Variants in CALR3 observed in about 807,000 individuals in gnomAD.
CALR3 encodes calreticulin-3.
In CALR3, 39 loss-of-function variants were observed where a neutral mutation model predicts 48.7. That is an observed-to-expected ratio of 0.80 (90% CI 0.62 to 1.05). CALR3 has a LOEUF of 1.05. Among genes scored for constraint, CALR3 ranks in the 50% least tolerant of loss-of-function variants. The pLI is 0.00. For missense variants in CALR3, 449 were observed against 474.7 expected, an observed-to-expected ratio of 0.95 and a Z score of 0.50; for synonymous variants, 185 against 172.7, an observed-to-expected ratio of 1.07 and a Z score of -0.56.
intron 7 of CALR3, among the ~76,000 whole-genome samples, chr19:16,481,758 C>G (rs1314870764): frequency 6.6e-6 from 1 of 151,920 alleles, no homozygotes; most frequent in African/African-American, 2.4e-5. Context: ...CTCAGCCTCC[C>G]AAAGTGCTGG....
chr19:16,493,247 CCTAA>C (rs1407848493), intron 2 of CALR3, among the ~76,000 whole-genome samples: 2 of 152,178 alleles, frequency 1.3e-5, no homozygotes, highest in African/African-American at 4.8e-5. Flanking sequence ...CTGACCTGTA[CCTAA>C]CTCAGACCAG....
intron 2 of CALR3, among the ~76,000 whole-genome samples, chr19:16,491,006 C>T (rs6512114): frequency 0.63 from 95,639 of 151,882 alleles, 30,766 homozygotes; most frequent in South Asian, 0.75. Flanking sequence ...GGTGACTGCC[C>T]GTCTCAGCCT....
At chr19:16,494,678 C>T (rs1004205312) in intron 2 of CALR3, among the ~76,000 whole-genome samples, 3 of 151,968 alleles carry the variant, frequency 2.0e-5, no homozygotes, top group South Asian at 2.1e-4. Context: ...CTTTTTAATA[C>T]GAAAATTAAA....
chr19:16,482,604 G>T, intron 6 of CALR3, 23 bp from the exon 7 acceptor site: 2 of 1,613,740 alleles, frequency 1.2e-6, no homozygotes, highest in Non-Finnish European at 1.7e-6. Flanking sequence ...AACCATATGG[G>T]GTGGTCTCAA....
chr19:16,479,336 A>G (rs1463014888), intron 8 of CALR3, 62 bp from the exon 9 acceptor site: 1 of 1,602,878 alleles, frequency 6.2e-7, no homozygotes, highest in African/African-American at 1.3e-5. Context: ...CTGTAATCCC[A>G]GCACTTTGGG....
chr19:16,487,939 G>A (rs915854591), intron 3 of CALR3, among the ~76,000 whole-genome samples: 14 of 151,356 alleles, frequency 9.2e-5, no homozygotes, highest in Non-Finnish European at 1.3e-4. Flanking sequence ...TCAGCCTCCC[G>A]AGTAGATGGG....
intron 3 of CALR3, among the ~76,000 whole-genome samples, chr19:16,487,418 T>C (rs2093390708): frequency 7.0e-6 from 1 of 143,530 alleles, no homozygotes; most frequent in Non-Finnish European, 1.5e-5. Context: ...AGGCAGAGGT[T>C]GCAGTGAGCC....
intron 2 of CALR3, among the ~76,000 whole-genome samples, chr19:16,493,542 ATTTTTTT>A (rs3032114): frequency 3.6e-4 from 26 of 72,932 alleles, no homozygotes; most frequent in Non-Finnish European, 4.6e-4. Flanking sequence ...TGAAGCTAGA[ATTTTTTT>A]TTTTTTTTTT....
intron 2 of CALR3, among the ~76,000 whole-genome samples, chr19:16,491,815 A>G (rs1404378909): frequency 1.3e-5 from 2 of 151,652 alleles, no homozygotes; most frequent in Non-Finnish European, 2.9e-5. Flanking sequence ...TTCCAGTGAA[A>G]CTTAATGGAC....
chr19:16,480,034 C>T (rs566561500), intron 8 of CALR3, among the ~76,000 whole-genome samples: 1 of 150,734 alleles, frequency 6.6e-6, no homozygotes, highest in South Asian at 2.1e-4. Context: ...GAAACCCCGT[C>T]TCTACTAAAA....
chr19:16,481,241 T>C (rs2093380226), intron 7 of CALR3, among the ~76,000 whole-genome samples: 3 of 152,258 alleles, frequency 2.0e-5, no homozygotes, highest in African/African-American at 7.2e-5. Flanking sequence ...TGAGCCATAC[T>C]GTCCCTGGCT....
chr19:16,480,728 T>C (rs775648516), intron 7 of CALR3, 22 bp from the exon 8 acceptor site: 1 of 1,432,528 alleles, frequency 7.0e-7, no homozygotes, highest in Non-Finnish European at 9.8e-7. Flanking sequence ...AATAAGGCCT[T>C]CATTATTATG....
In CALR3 at chr19:16,484,232, C is replaced by A. The variant is rs150143294; in HGVS notation, c.493-117G>T. On this transcript the variant is annotated intron_variant, in intron 4 of 8. Coordinates refer to ENST00000269881, the MANE Select transcript of CALR3 (RefSeq NM_145046.5). Reference sequence around the variant, plus strand: ...TCACTCTGTCGCCCAGGTTGGAGCGCTGTGGCACAATCTCGGCTCACTACA... The same window carrying A: ...TCACTCTGTCGCCCAGGTTGGAGCGATGTGGCACAATCTCGGCTCACTACA... 1,062 of 976,582 alleles carry A rather than the reference C, an allele frequency of 1.1e-3. 9 individuals are homozygous for A. The African/African-American group carries it at 0.017, about 15-fold the overall frequency. The allele number at this position is 976,582 out of a possible 1,614,324, so 60.5% of individuals were successfully genotyped here.
At position 16,496,058 on chromosome 19, in the gene CALR3, T is replaced by A; in HGVS notation, c.72A>T (p.Gln24His). Residue 24 changes from glutamine to histidine, a missense_variant, in exon 1 of 9, where the codon CAA becomes CAT. By Grantham distance (24) the Gln-to-His change is conservative. Transcript: ENST00000269881. Reference protein sequence around the residue: ...LRVALATVYFQEEFLDGEHWR... With the variant: ...LRVALATVYFHEEFLDGEHWR... Reference sequence around the variant, plus strand: ...CTTCACCTCCGTCTAGAAATTCCTCTTGGAAATAGACGGTAGCCAGCGCCA... The same window carrying A: ...CTTCACCTCCGTCTAGAAATTCCTCATGGAAATAGACGGTAGCCAGCGCCA... 2 of 1,602,008 alleles carry A rather than the reference T, an allele frequency of 1.2e-6. No homozygotes were observed. Among genetic ancestry groups the A allele is most frequent in the Non-Finnish European group, 1.7e-6 (2 of 1,174,128 alleles).
intron 5 of CALR3, chr19:16,483,706 G>T: frequency 1.9e-6 from 1 of 519,150 alleles, no homozygotes; most frequent in African/African-American, 1.9e-5. Context: ...CAAGAAGAAC[G>T]AAACTCTGTC....
intron 8 of CALR3, among the ~76,000 whole-genome samples, 178 bp downstream of exon 8, chr19:16,480,436 C>T (rs2093378833): frequency 1.3e-5 from 2 of 151,848 alleles, no homozygotes; most frequent in Admixed American, 1.3e-4. Context: ...CCTGTAGTCC[C>T]AGCTACTTGG....
chr19:16,482,483 C>T lies in CALR3; in HGVS notation c.885G>A (p.Glu295=), dbSNP rs2093382458. 6.2e-7 allele frequency: 1 copy of T among 1,614,144 alleles called. No homozygotes were observed. Among genetic ancestry groups the T allele is most frequent in the Non-Finnish European group, 8.5e-7 (1 of 1,180,058 alleles). The change falls in exon 7 of 9, where the codon GAG becomes GAA. Residue 295 remains glutamate, a synonymous_variant. Coordinates refer to ENST00000269881, the MANE Select transcript of CALR3 (RefSeq NM_145046.5). ...YLTQYDLSEF[E]NIGAIGLELW... ...GCTCCAGGCCAATGGCACCAATGTTCTCAAATTCTGAGAGGTCATACTGCG... is the reference window on the plus strand; with the variant it reads ...GCTCCAGGCCAATGGCACCAATGTTTTCAAATTCTGAGAGGTCATACTGCG...
At chr19:16,486,315 CAATT>C (rs2093388928) in intron 3 of CALR3, among the ~76,000 whole-genome samples, 1 of 138,058 alleles carries the variant, frequency 7.2e-6, no homozygotes, top group Admixed American at 7.2e-5. Flanking sequence ...GACTCCGTCT[CAATT>C]AAAAAAAAAA....
rs777454147 is a variant in CALR3, at chr19:16,483,981, C to T, written c.627G>A (p.Thr209=). The T allele has an allele frequency of 5.0e-6, 8 of 1,613,860 alleles. No homozygotes were observed. In the Admixed American group the frequency reaches 5.0e-5, roughly 10 times the overall value. ...DWNLTSLKKE[T]SPAESKDWEQ... ...CCCAATCCTTCGATTCTGCCGGGGACGTTTCCTTCTTGAGTGATGTTAAGT... is the reference window on the plus strand; with the variant it reads ...CCCAATCCTTCGATTCTGCCGGGGATGTTTCCTTCTTGAGTGATGTTAAGT... The change falls in exon 5 of 9, where the codon ACG becomes ACA. Residue 209 remains threonine, a synonymous_variant. Coordinates refer to ENST00000269881, the MANE Select transcript of CALR3 (RefSeq NM_145046.5).
Sources: gnomAD v4.1 joint callset for allele counts (sites outside exome capture counted in the v4.1 genomes callset) on GRCh38, gnomAD v4.1.1 for gene constraint, MANE v1.5 for transcripts, NCBI Gene and HGNC (gene_info 2026-07-23, HGNC 2026-07-21) for gene names.